Variants in TTC29 observed in about 807,000 individuals in gnomAD.
TTC29 encodes tetratricopeptide repeat protein 29.
Under a neutral mutation model 58.1 loss-of-function variants are expected in TTC29, and 49 were observed. That is an observed-to-expected ratio of 0.84 (90% CI 0.67 to 1.07). The LOEUF (loss-of-function observed/expected upper bound fraction) is 1.07, where lower values mean the gene tolerates loss of function less well. TTC29 is among the 50% of genes least tolerant of loss of function. The pLI, the probability that TTC29 is intolerant of heterozygous loss-of-function variation, is 0.00. For missense variants in TTC29, 582 were observed against 555.6 expected (o/e 1.05, Z -0.48); for synonymous variants, 209 against 196.8 (o/e 1.06, Z -0.52).
intron 6 of TTC29, among the ~76,000 whole-genome samples, chr4:146,890,730 G>A (rs1298554474): frequency 1.3e-5 from 2 of 152,234 alleles, no homozygotes; most frequent in African/African-American, 4.8e-5. Flanking sequence ...GGGCTTTGTG[G>A]GGTAGAATCC....
chr4:146,732,926 G>A (rs895953434), intron 11 of TTC29, among the ~76,000 whole-genome samples: 2 of 152,166 alleles, frequency 1.3e-5, no homozygotes, highest in African/African-American at 4.8e-5. Context: ...CAAAGGACAT[G>A]GGAGAGAAAA....
chr4:146,914,289 G>T (rs1418798591), intron 4 of TTC29, among the ~76,000 whole-genome samples: 2 of 152,046 alleles, frequency 1.3e-5, no homozygotes, highest in African/African-American at 4.8e-5. Flanking sequence ...GTATGAAAGA[G>T]AATTGTTTTA....
At chr4:146,715,871 C>G (rs1255788883) in intron 11 of TTC29, among the ~76,000 whole-genome samples, 1 of 152,066 alleles carries the variant, frequency 6.6e-6, no homozygotes. Flanking sequence ...AAAATATCAT[C>G]CTGTATTCCA....
chr4:146,751,638 C>T (rs1746004369), intron 11 of TTC29, among the ~76,000 whole-genome samples: 1 of 151,984 alleles, frequency 6.6e-6, no homozygotes, highest in Admixed American at 6.6e-5. Flanking sequence ...TAAAAATACG[C>T]CAAAAACAGA....
intron 11 of TTC29, among the ~76,000 whole-genome samples, chr4:146,802,044 G>A (rs1056337319): frequency 1.4e-5 from 2 of 140,898 alleles, no homozygotes; most frequent in African/African-American, 5.2e-5. Context: ...GGATGGCCTC[G>A]AATAGACATA....
rs1349372630 is a variant in TTC29, at chr4:146,706,713, G to GACTT, written c.*441_*444dup. The GACTT allele has an allele frequency of 6.5e-6, 1 of 152,768 alleles. No homozygotes were observed. Among genetic ancestry groups the GACTT allele is most frequent in the Non-Finnish European group, 1.5e-5 (1 of 68,480 alleles). The allele number at this position is 152,768 out of a possible 1,614,324, so 9.5% of individuals were successfully genotyped here. A position where few individuals can be genotyped will look rare whatever the true frequency, so the allele number is the denominator to read the frequency against. ...AGGTAAAGAAAACTGTTTCAAACAA[G>GACTT]ACTTATCAGTATGGTAGGCTTAATT... On this transcript the variant is annotated 3_prime_UTR_variant, in exon 13 of 13. Coordinates refer to ENST00000325106, the MANE Select transcript of TTC29 (RefSeq NM_031956.4).
chr4:146,810,992 C>T (rs1220153802), intron 10 of TTC29, among the ~76,000 whole-genome samples: 1 of 152,138 alleles, frequency 6.6e-6, no homozygotes, highest in Non-Finnish European at 1.5e-5. Flanking sequence ...GTTCATATGC[C>T]ATTCTTCTTA....
intron 10 of TTC29, among the ~76,000 whole-genome samples, chr4:146,817,503 C>T (rs1233363186): frequency 1.3e-5 from 2 of 152,156 alleles, no homozygotes; most frequent in South Asian, 2.1e-4. Flanking sequence ...AATGGCCATA[C>T]TGCCCAAGGT....
intron 8 of TTC29, among the ~76,000 whole-genome samples, chr4:146,860,144 T>C (rs1482283307): frequency 1.3e-5 from 2 of 152,112 alleles, no homozygotes; most frequent in Admixed American, 6.5e-5. Flanking sequence ...CTATAAACAA[T>C]GGGTTGACTT....
intron 8 of TTC29, among the ~76,000 whole-genome samples, chr4:146,853,599 A>G (rs1729647509): frequency 6.6e-6 from 1 of 152,152 alleles, no homozygotes; most frequent in African/African-American, 2.4e-5. Context: ...CTCGGTATAT[A>G]TTAATGATTT....
intron 10 of TTC29, among the ~76,000 whole-genome samples, chr4:146,816,108 C>G (rs1217586157): frequency 6.6e-6 from 1 of 152,158 alleles, no homozygotes; most frequent in Non-Finnish European, 1.5e-5. Context: ...TATCCAAAAG[C>G]TGTGTCAACT....
intron 11 of TTC29, among the ~76,000 whole-genome samples, chr4:146,749,792 A>T (rs1294029775): frequency 2.6e-5 from 4 of 152,214 alleles, no homozygotes; most frequent in Admixed American, 6.5e-5. Context: ...AAGCAGCAAG[A>T]GAAAAACATC....
At chr4:146,800,300 G>C (rs1048580569) in intron 11 of TTC29, among the ~76,000 whole-genome samples, 1 of 152,116 alleles carries the variant, frequency 6.6e-6, no homozygotes, top group African/African-American at 2.4e-5. Context: ...ATTCCCTTAG[G>C]GGGTCATGTT....
rs61184684 is a variant in TTC29 at position 146,943,169 on chromosome 4, CTTTTTTTTT to C, written c.-7+1853_-7+1861del. On this transcript the variant is annotated intron_variant, in intron 2 of 12. Transcript: ENST00000325106. ...TTCTTTGTCATACAGATCAACTGTG[CTTTTTTTTT>C]TTTTTTTTTTTTTTTTTTTCAAAAT... 1.2e-3 allele frequency among the ~76,000 whole-genome samples: 72 copies of C among 59,498 alleles called. 1 individual carries two copies. Among genetic ancestry groups the C allele is most frequent in the Non-Finnish European group, 2.2e-3 (61 of 27,224 alleles). The allele number at this position is 59,498 out of a possible 152,430, so 39.0% of individuals were successfully genotyped here.
chr4:146,743,123 T>G (rs1386342374), intron 11 of TTC29, among the ~76,000 whole-genome samples: 5 of 151,898 alleles, frequency 3.3e-5, no homozygotes, highest in Non-Finnish European at 5.9e-5. Flanking sequence ...GACTTTAAAT[T>G]TCATGTAGAA....
chr4:146,750,354 A>G (rs1320550271), intron 11 of TTC29, among the ~76,000 whole-genome samples: 1 of 152,218 alleles, frequency 6.6e-6, no homozygotes, highest in African/African-American at 2.4e-5. Flanking sequence ...TGCCGAAAGG[A>G]AAATATAATA....
intron 11 of TTC29, among the ~76,000 whole-genome samples, chr4:146,743,984 G>A (rs1435378676): frequency 6.6e-6 from 1 of 152,134 alleles, no homozygotes; most frequent in African/African-American, 2.4e-5. Context: ...AATCCAAGGA[G>A]CAAATGCCAG....
At chr4:146,824,673 A>G (rs1727643275) in intron 9 of TTC29, among the ~76,000 whole-genome samples, 1 of 152,220 alleles carries the variant, frequency 6.6e-6, no homozygotes, top group Non-Finnish European at 1.5e-5. Flanking sequence ...TTCCAGAAGG[A>G]ATAGCATCAG....
chr4:146,792,130 G>A (rs1288312747), intron 11 of TTC29, among the ~76,000 whole-genome samples: 1 of 152,200 alleles, frequency 6.6e-6, no homozygotes, highest in Non-Finnish European at 1.5e-5. Context: ...TACACTAAAC[G>A]ACGTATTTTC....
Sources: gnomAD v4.1 joint callset for allele counts (sites outside exome capture counted in the v4.1 genomes callset) on GRCh38, gnomAD v4.1.1 for gene constraint, MANE v1.5 for transcripts, NCBI Gene and HGNC (gene_info 2026-07-23, HGNC 2026-07-21) for gene names.